Variants in MAPT observed in about 807,000 individuals in gnomAD.
The protein encoded by MAPT is microtubule associated protein tau.
In MAPT, 34 loss-of-function variants were observed where a neutral mutation model predicts 67.9. The ratio of observed to expected loss-of-function variants is 0.50; its 90% confidence interval spans 0.38 to 0.67. The LOEUF is 0.67. MAPT is among the 30% of genes least tolerant of loss of function. The probability of loss-of-function intolerance (pLI) is 0.00; values close to 1 mark genes in which losing one functional copy is unlikely to be tolerated. For synonymous variants in MAPT, 456 were observed against 464.5 expected (o/e 0.98, Z 0.23); for missense variants, 881 against 1,115.2 (o/e 0.79, Z 2.99).
At chr17:45,943,817 A>G (rs2068214539) in intron 1 of MAPT, among the ~76,000 whole-genome samples, 1 of 152,122 alleles carries the variant, frequency 6.6e-6, no homozygotes, top group African/African-American at 2.4e-5. Context: ...GGAATGAGGA[A>G]CAGATTCTCT....
At chr17:45,919,076 A>G (rs568041013) in intron 1 of MAPT, among the ~76,000 whole-genome samples, 224 of 152,042 alleles carry the variant, frequency 1.5e-3, no homozygotes, top group South Asian at 2.9e-3. Flanking sequence ...AAAAAAAAAA[A>G]AAAGAAAAGA....
intron 6 of MAPT, among the ~76,000 whole-genome samples, chr17:45,988,035 T>C (rs2073734481): frequency 6.6e-6 from 1 of 152,156 alleles, no homozygotes; most frequent in Non-Finnish European, 1.5e-5. Flanking sequence ...GAAAGATCTA[T>C]TACCCTGGGC....
chr17:46,007,407 A>C (rs541733189), intron 9 of MAPT, among the ~76,000 whole-genome samples: 100 of 152,254 alleles, frequency 6.6e-4, no homozygotes, highest in African/African-American at 2.3e-3. Flanking sequence ...GGATTGCTTG[A>C]GCCCAGGAGT....
At chr17:45,930,407 C>CA (rs67120979) in intron 1 of MAPT, among the ~76,000 whole-genome samples, 510 of 81,620 alleles carry the variant, frequency 6.2e-3, no homozygotes, top group African/African-American at 0.011. Context: ...ATTCTGTCTC[C>CA]AAAAAAAAAA....
At chr17:45,925,586 G>A (rs753478514) in intron 1 of MAPT, among the ~76,000 whole-genome samples, 1 of 152,156 alleles carries the variant, frequency 6.6e-6, no homozygotes, top group Non-Finnish European at 1.5e-5. Flanking sequence ...TTTATAACAG[G>A]AAGTCTCAGA....
rs1273925499 is a variant in MAPT, at chr17:45,991,557, C to T, written c.1703C>T (p.Pro568Leu). 6.2e-6 allele frequency: 10 copies of T among 1,614,144 alleles called. No individual in the cohort carries two copies. The highest frequency in any genetic ancestry group is 1.7e-4 in the Middle Eastern group (1 of 6,060). Residue 568 changes from proline (P) to leucine (L), a missense_variant, in exon 8 of 13, where the codon CCG becomes CTG. Physicochemically the swap from Pro to Leu is moderately conservative, Grantham distance 98 (BLOSUM62 -3). Around this residue, in one of 6 missense-constraint regions of MAPT, gnomAD observed 687 missense variants for 766.1 expected, o/e 0.90. Coordinates refer to ENST00000262410, the MANE Select transcript of MAPT (RefSeq NM_001377265.1). ...GCCACCAGGATTCCAGCAAAAACCC[C>T]GCCCGCTCCAAAGACACCACCCAGC... is the stretch of plus-strand genomic sequence containing the variant. ...ANATRIPAKT[P>L]PAPKTPPSSG...
rs563494952 is a variant in MAPT at position 45,981,831 on chromosome 17, A to C, written c.287-1035A>C. 3.0e-4 allele frequency among the ~76,000 whole-genome samples: 46 copies of C among 152,142 alleles called. 1 individual carries two copies. The South Asian group carries it at 9.4e-3, about 31-fold the overall frequency. On this transcript the variant is annotated intron_variant, in intron 4 of 12. Coordinates refer to ENST00000262410, the MANE Select transcript of MAPT (RefSeq NM_001377265.1). ...GGAGTTCGAGACCAGCCTGAGCAACATAAGGAGACCCCGTCTCCACAAAAA... is the reference window on the plus strand; with the variant it reads ...GGAGTTCGAGACCAGCCTGAGCAACCTAAGGAGACCCCGTCTCCACAAAAA...
At chr17:45,986,971 A>G (rs2073609128) in intron 5 of MAPT, 69 bp from the exon 6 acceptor site, 1 of 1,388,540 alleles carries the variant, frequency 7.2e-7, no homozygotes, top group African/African-American at 1.4e-5. Context: ...ATCCAGCTTC[A>G]CCACAGCTGG....
At chr17:45,943,669 C>T (rs185450031) in intron 1 of MAPT, among the ~76,000 whole-genome samples, 4 of 152,294 alleles carry the variant, frequency 2.6e-5, no homozygotes, top group African/African-American at 9.6e-5. Context: ...AAACTCCCAC[C>T]TACCCCACTG....
At chr17:45,964,778 C>T (rs997081421) in intron 2 of MAPT, among the ~76,000 whole-genome samples, 10 of 152,078 alleles carry the variant, frequency 6.6e-5, no homozygotes, top group Non-Finnish European at 1.2e-4. Context: ...CCCCCACTCC[C>T]GCTTTCCCTC....
At chr17:45,956,193 GA>G (rs1203782317) in intron 1 of MAPT, among the ~76,000 whole-genome samples, 2 of 152,222 alleles carry the variant, frequency 1.3e-5, no homozygotes, top group East Asian at 3.8e-4. Flanking sequence ...CTGTGCAAAG[GA>G]ATGAGCTGAA....
chr17:45,945,097 C>T (rs1331460463), intron 1 of MAPT, among the ~76,000 whole-genome samples: 2 of 152,192 alleles, frequency 1.3e-5, no homozygotes, highest in Non-Finnish European at 2.9e-5. Context: ...ACATTAGGGC[C>T]TCGAGTGGGG....
At chr17:45,921,660 G>A (rs1298928755) in intron 1 of MAPT, among the ~76,000 whole-genome samples, 1 of 152,206 alleles carries the variant, frequency 6.6e-6, no homozygotes, top group Non-Finnish European at 1.5e-5. Context: ...ATCAGAAATC[G>A]TATTTCCATG....
At chr17:45,943,003 C>T (rs567920465) in intron 1 of MAPT, among the ~76,000 whole-genome samples, 120 of 152,312 alleles carry the variant, frequency 7.9e-4, no homozygotes, top group Non-Finnish European at 1.3e-3. Context: ...TGTCTGGGGG[C>T]ACTTTGTCTC....
Position 45,996,682 on chromosome 17 carries a change from C to G in MAPT, c.1998+18C>G, listed in dbSNP as rs769218427. ...GCGGGAAGGTGAGAGTGGCTGGCTG[C>G]GCGTGGAGGTGTGGGGGGCTGCGCC... is the stretch of plus-strand genomic sequence containing the variant. On this transcript the variant is annotated intron_variant, in intron 9 of 12. Coordinates refer to ENST00000262410, the MANE Select transcript of MAPT (RefSeq NM_001377265.1). This position sits in a 1 kb window ranked among gnomAD's most constrained non-coding sequence, Gnocchi z 4.5. The G allele has an allele frequency of 1.9e-6, 3 of 1,611,852 alleles. No individual in the cohort carries two copies. Among genetic ancestry groups the G allele is most frequent in the Non-Finnish European group, 1.7e-6 (2 of 1,179,022 alleles).
intron 7 of MAPT, chr17:45,990,572 G>A (rs2073983476): frequency 2.5e-6 from 1 of 400,306 alleles, no homozygotes; most frequent in Admixed American, 3.2e-5. Context: ...GCTCCAGCTT[G>A]GGCGACAGAG....
intron 2 of MAPT, among the ~76,000 whole-genome samples, chr17:45,967,298 T>A (rs941170406): frequency 2.0e-5 from 3 of 152,160 alleles, no homozygotes; most frequent in African/African-American, 7.2e-5. Flanking sequence ...TCCAAGGGAT[T>A]TAACAAGGAG....
chr17:45,989,268 C>T (rs17651700), intron 6 of MAPT, among the ~76,000 whole-genome samples: 1 of 152,096 alleles, frequency 6.6e-6, no homozygotes, highest in Non-Finnish European at 1.5e-5. Context: ...TTAAACCAGT[C>T]GTCTCCAAAT....
Position 46,010,420 on chromosome 17 carries a change from T to A in MAPT, c.2091+18T>A. On this transcript the variant is annotated intron_variant, in intron 10 of 12. Transcript: ENST00000262410. This position sits in a 1 kb window ranked among gnomAD's most constrained non-coding sequence, Gnocchi z 4.7. ...GCGGCAGTGTGAGTACCTTCACACG[T>A]CCCATGCGCCGTGCTGTGGCTTGAA... 1 of 1,512,170 alleles carries A rather than the reference T, an allele frequency of 6.6e-7. No individual in the cohort carries two copies. Among genetic ancestry groups the A allele is most frequent in the Admixed American group, 1.9e-5 (1 of 51,816 alleles). 93.7% of individuals were successfully genotyped at this position (1,512,170 alleles called of 1,614,324 possible).
Sources: allele counts gnomAD v4.1 joint callset (sites outside exome capture counted in the v4.1 genomes callset), GRCh38; gene constraint gnomAD v4.1.1; regional missense constraint gnomAD v4.1.1; non-coding constraint Gnocchi (gnomAD v3.1); transcripts MANE v1.5; gene names NCBI Gene and HGNC (gene_info 2026-07-23, HGNC 2026-07-21).